The following PPP1R7 variants were observed in gnomAD, a reference collection of about 807,000 sequenced individuals.
PPP1R7 encodes protein phosphatase 1 regulatory subunit 7.
A neutral mutation model predicts 45.2 loss-of-function variants in PPP1R7; 18 were observed. The ratio of observed to expected loss-of-function variants is 0.40; its 90% CI spans 0.28 to 0.59. PPP1R7 has a LOEUF of 0.59. PPP1R7 is among the 20% of genes least tolerant of loss of function. The pLI is 0.46. For missense variants in PPP1R7, 314 were observed against 455.8 expected, an observed-to-expected ratio of 0.69 and a Z score of 2.83; for synonymous variants, 181 against 183.4, an observed-to-expected ratio of 0.99 and a Z score of 0.11.
At position 241,182,859 on chromosome 2, in the gene PPP1R7, G is replaced by T; in HGVS notation, c.*36G>T. ...GCTCCTCATGTGGTCCCTCTCCTCG[G>T]AAGAACTGCCCAGCCACGGGTTTTT... On this transcript the variant is annotated 3_prime_UTR_variant, in exon 10 of 10. Transcript: ENST00000234038. The T allele has an allele frequency of 6.3e-7, 1 of 1,592,114 alleles. No individual in the cohort carries two copies. The highest frequency in any genetic ancestry group is 8.6e-7 in the Non-Finnish European group (1 of 1,163,050).
intron 9 of PPP1R7, among the ~76,000 whole-genome samples, chr2:241,173,293 A>AG (rs1574726863): frequency 6.9e-6 from 1 of 144,356 alleles, no homozygotes; most frequent in East Asian, 2.0e-4. Flanking sequence ...AAAAAAAAAA[A>AG]GGACGGGATC....
At chr2:241,174,702 T>C (rs2067879470) in intron 9 of PPP1R7, among the ~76,000 whole-genome samples, 2 of 150,392 alleles carry the variant, frequency 1.3e-5, no homozygotes, top group African/African-American at 4.9e-5. Flanking sequence ...TGAGATAGAG[T>C]CTTGCTCTGT....
chr2:241,162,683 CTTTT>C (rs1232024996), intron 6 of PPP1R7, among the ~76,000 whole-genome samples: 7 of 134,390 alleles, frequency 5.2e-5, no homozygotes, highest in African/African-American at 8.5e-5. Flanking sequence ...CTTGGGAGGA[CTTTT>C]TTTTTTTTTT....
At position 241,150,524 on chromosome 2, in the gene PPP1R7, A is replaced by G; in HGVS notation, c.29A>G (p.Gln10Arg). The change falls in exon 1 of 10, where the codon CAA becomes CGA. Residue 10 changes from glutamine to arginine, a missense_variant. Coordinates refer to ENST00000234038, the MANE Select transcript of PPP1R7 (RefSeq NM_002712.3). MAAERGAGQQQSQEMMEVDR... is the reference protein window; with the variant it reads MAAERGAGQRQSQEMMEVDR... ...GCGGCGGAACGCGGCGCGGGGCAGC[A>G]ACAGTCGCAGGAGATGATGGAGGGT... 1 of 1,599,006 alleles carries G rather than the reference A, an allele frequency of 6.3e-7. No homozygotes were observed. The highest frequency in any genetic ancestry group is 8.5e-7 in the Non-Finnish European group (1 of 1,174,150).
chr2:241,153,366 A>G (rs2067366032), intron 1 of PPP1R7, 110 bp from the exon 2 acceptor site: 1 of 1,454,946 alleles, frequency 6.9e-7, no homozygotes, highest in African/African-American at 1.4e-5. Flanking sequence ...AACTGGATTC[A>G]ACAAACATGT....
chr2:241,157,608 T>G (rs1014628850), intron 2 of PPP1R7, among the ~76,000 whole-genome samples, 199 bp from the exon 3 acceptor site: 1 of 152,208 alleles, frequency 6.6e-6, no homozygotes, highest in Non-Finnish European at 1.5e-5. Context: ...TCAGAATGCT[T>G]AAAACATCAC....
chr2:241,169,238 G>A (rs1031178877), intron 8 of PPP1R7, among the ~76,000 whole-genome samples: 2 of 152,174 alleles, frequency 1.3e-5, no homozygotes, highest in African/African-American at 4.8e-5. Flanking sequence ...CCAGACAAGA[G>A]TGTAGGCCTG....
rs369462561 is a variant in PPP1R7 at position 241,153,458 on chromosome 2, T to C, written c.53-18T>C. On this transcript the variant is annotated intron_variant, in intron 1 of 9. Coordinates refer to ENST00000234038, the MANE Select transcript of PPP1R7 (RefSeq NM_002712.3). ...CCATAAAGTGGATGTGAATTCTCAT[T>C]GACATGTGTGGGTTCAGTTGACAGG... is the stretch of plus-strand genomic sequence containing the variant. The C allele has an allele frequency of 1.1e-5, 17 of 1,613,694 alleles. No individual in the cohort carries two copies. Among genetic ancestry groups the C allele is most frequent in the Non-Finnish European group, 1.4e-5 (17 of 1,179,768 alleles).
At chr2:241,152,086 T>C (rs1304007461) in intron 1 of PPP1R7, among the ~76,000 whole-genome samples, 1 of 152,256 alleles carries the variant, frequency 6.6e-6, no homozygotes, top group Non-Finnish European at 1.5e-5. Flanking sequence ...TCCCTGAGCC[T>C]GGACCACCAA....
chr2:241,171,728 C>T (rs762876380), intron 9 of PPP1R7, among the ~76,000 whole-genome samples: 1 of 152,198 alleles, frequency 6.6e-6, no homozygotes, highest in African/African-American at 2.4e-5. Context: ...TTATCAGGTG[C>T]ATACATATTT....
At chr2:241,166,716 G>A (rs1374596296) in intron 8 of PPP1R7, among the ~76,000 whole-genome samples, 1 of 152,160 alleles carries the variant, frequency 6.6e-6, no homozygotes, top group African/African-American at 2.4e-5. Flanking sequence ...GCTTCCCTAG[G>A]CTTCCTCAAT....
chr2:241,180,692 C>G (rs192117062), intron 9 of PPP1R7, among the ~76,000 whole-genome samples: 2 of 150,946 alleles, frequency 1.3e-5, no homozygotes, highest in South Asian at 4.1e-4. Flanking sequence ...CGGGGCGGTG[C>G]GAGTGTAGTA....
At chr2:241,156,450 C>T (rs1372078924) in intron 2 of PPP1R7, among the ~76,000 whole-genome samples, 1 of 152,192 alleles carries the variant, frequency 6.6e-6, no homozygotes, top group African/African-American at 2.4e-5. Flanking sequence ...GTGGGAGGAT[C>T]ACTTGAGGCT....
intron 9 of PPP1R7, among the ~76,000 whole-genome samples, chr2:241,180,482 A>G (rs2067983870): frequency 6.6e-6 from 1 of 151,588 alleles, no homozygotes; most frequent in Non-Finnish European, 1.5e-5. Flanking sequence ...ATTCAAAGCC[A>G]TCCTAGGCCA....
At chr2:241,180,423 CA>C (rs1254441574) in intron 9 of PPP1R7, among the ~76,000 whole-genome samples, 1 of 138,500 alleles carries the variant, frequency 7.2e-6, no homozygotes, top group African/African-American at 2.9e-5. Flanking sequence ...GAAAAAATCG[CA>C]AAAAAATCTC....
At chr2:241,157,900 A>G (rs773523984) in intron 3 of PPP1R7, 38 bp downstream of exon 3, 2 of 1,581,714 alleles carry the variant, frequency 1.3e-6, no homozygotes, top group African/African-American at 1.3e-5. Context: ...GGGCGTGGTG[A>G]TGGACCACCC....
At chr2:241,156,166 A>C (rs1211469153) in intron 2 of PPP1R7, among the ~76,000 whole-genome samples, 1 of 152,072 alleles carries the variant, frequency 6.6e-6, no homozygotes, top group East Asian at 1.9e-4. Context: ...GTGTGAGCTC[A>C]CTCCCCTGCA....
At chr2:241,169,274 C>T (rs2067773931) in intron 8 of PPP1R7, among the ~76,000 whole-genome samples, 1 of 152,208 alleles carries the variant, frequency 6.6e-6, no homozygotes, top group Admixed American at 6.5e-5. Flanking sequence ...GCCTCTCCCA[C>T]TGCTACTGTG....
At chr2:241,169,979 C>G in intron 9 of PPP1R7, 112 bp downstream of exon 9, 1 of 857,838 alleles carries the variant, frequency 1.2e-6, no homozygotes, top group South Asian at 1.5e-5. Context: ...TGCTGAGTGA[C>G]TCCGCACATC....
Sources: gnomAD v4.1 joint callset for allele counts (sites outside exome capture counted in the v4.1 genomes callset) on GRCh38, gnomAD v4.1.1 for gene constraint, MANE v1.5 for transcripts, NCBI Gene and HGNC (gene_info 2026-07-23, HGNC 2026-07-21) for gene names.